The following NUP37 variants were observed in gnomAD, a reference collection of about 807,000 sequenced individuals.
NUP37 encodes nucleoporin Nup37.
Under a neutral mutation model 45.4 loss-of-function variants are expected in NUP37, and 33 were observed. The observed-to-expected ratio is 0.73, with a 90% CI of 0.55 to 0.97. NUP37 has a LOEUF of 0.97. Among genes scored for constraint, NUP37 ranks in the 50% least tolerant of loss-of-function variants. The pLI, the probability that NUP37 is intolerant of heterozygous loss-of-function variation, is 0.00. For missense variants in NUP37, 365 were observed against 389.7 expected (o/e 0.94, Z 0.53); for synonymous variants, 127 against 130.7 (o/e 0.97, Z 0.19).
chr12:102,091,399 CAAAAAAAAAAA>C (rs1163474160), intron 5 of NUP37, among the ~76,000 whole-genome samples: 33 of 37,800 alleles, frequency 8.7e-4, no homozygotes, highest in East Asian at 1.2e-3. Context: ...GACTCCGTCT[CAAAAAAAAAAA>C]AAAAAAAAAA....
At chr12:102,109,423 C>T (rs7133417) in intron 3 of NUP37, among the ~76,000 whole-genome samples, 45,858 of 151,778 alleles carry the variant, frequency 0.3, 7,286 homozygotes, top group East Asian at 0.42. Flanking sequence ...AAAGAAAGTA[C>T]AGAGAGTTAC....
intron 3 of NUP37, among the ~76,000 whole-genome samples, chr12:102,111,795 A>AAG (rs3028262): frequency 0.4 from 60,495 of 151,918 alleles, 12,488 homozygotes; most frequent in African/African-American, 0.51. Context: ...TAGTTATTTT[A>AAG]AGTTATACTT....
chr12:102,092,263 TC>T (rs1201494096), intron 5 of NUP37, among the ~76,000 whole-genome samples: 4 of 152,190 alleles, frequency 2.6e-5, no homozygotes, highest in African/African-American at 9.6e-5. Context: ...CACATCTGTA[TC>T]CATTTGGCCC....
chr12:102,115,189 T>C (rs894497819), intron 2 of NUP37, among the ~76,000 whole-genome samples: 48 of 152,344 alleles, frequency 3.2e-4, no homozygotes, highest in African/African-American at 1.0e-3. Flanking sequence ...TGAATCATAA[T>C]ATACTGCTGA....
intron 9 of NUP37, 194 bp from the exon 10 acceptor site, chr12:102,074,661 A>G (rs1879118491): frequency 1.8e-6 from 1 of 541,220 alleles, no homozygotes; most frequent in Non-Finnish European, 3.2e-6. Flanking sequence ...CCATCTATGA[A>G]TAACTGGTAC....
chr12:102,082,130 T>C (rs894820849), intron 6 of NUP37, among the ~76,000 whole-genome samples: 2 of 152,198 alleles, frequency 1.3e-5, no homozygotes, highest in Admixed American at 1.3e-4. Flanking sequence ...CTAGCTCCTA[T>C]TGAGTCTTAT....
At chr12:102,111,152 A>G (rs200608639) in intron 3 of NUP37, among the ~76,000 whole-genome samples, 4 of 152,192 alleles carry the variant, frequency 2.6e-5, no homozygotes, top group East Asian at 1.9e-4. Flanking sequence ...ATACATAACA[A>G]TGTGGAAAAA....
intron 6 of NUP37, 64 bp downstream of exon 6, chr12:102,085,702 G>A: frequency 1.4e-6 from 1 of 724,778 alleles, no homozygotes; most frequent in Middle Eastern, 3.3e-4. Context: ...CTCTATGTAT[G>A]TGATGTCTTA....
chr12:102,108,314 G>A (rs1266767328), intron 3 of NUP37, among the ~76,000 whole-genome samples: 5 of 152,120 alleles, frequency 3.3e-5, no homozygotes, highest in African/African-American at 1.2e-4. Context: ...GTAGTTGGAT[G>A]CTTCCTGCCA....
rs1880559324 is a variant in NUP37 at position 102,118,572 on chromosome 12, A to G, written c.-54T>C. 6.5e-7 allele frequency: 1 copy of G among 1,531,982 alleles called. No homozygotes were observed. The highest frequency in any genetic ancestry group is 1.4e-5 in the African/African-American group (1 of 72,662). The allele number at this position is 1,531,982 out of a possible 1,614,324, so 94.9% of individuals were successfully genotyped here. A position where few individuals can be genotyped will look rare whatever the true frequency, so the allele number is the denominator to read the frequency against. On this transcript the variant is annotated 5_prime_UTR_variant, in exon 2 of 10. Transcript: ENST00000552283. ...AAAATTAAATAGCCTTCTACTGGAC[A>G]AGGTCACGAAACTGTGGATTAGAGC... is the stretch of plus-strand genomic sequence containing the variant.
chr12:102,077,231 T>C, intron 7 of NUP37, 91 bp downstream of exon 7: 1 of 1,307,790 alleles, frequency 7.6e-7, no homozygotes, highest in Non-Finnish European at 1.1e-6. Context: ...GACAGCATAG[T>C]CTCAGGTATA....
intron 2 of NUP37, among the ~76,000 whole-genome samples, chr12:102,117,881 AAT>A (rs1209651227): frequency 6.6e-6 from 1 of 152,220 alleles, no homozygotes; most frequent in Non-Finnish European, 1.5e-5. Context: ...CTGCTCAATT[AAT>A]ATGACTCCAT....
chr12:102,077,418 A>G lies in NUP37; in HGVS notation c.626T>C (p.Val209Ala). ...QAILSLESEQ[V>A]PLMSAHWCLK... ...GCACCAGTGTGCTGACATTAATGGC[A>G]CTTGTTCTGATTCAAGAGATAAAAT... Residue 209 changes from valine (V) to alanine (A), a missense_variant, in exon 7 of 10, where the codon GTG becomes GCG. Physicochemically the swap from Val to Ala is moderately conservative, Grantham distance 64 (BLOSUM62 0). Coordinates refer to ENST00000552283, the MANE Select transcript of NUP37 (RefSeq NM_024057.4). The G allele has an allele frequency of 6.2e-7, 1 of 1,614,178 alleles. No individual in the cohort carries two copies. The highest frequency in any genetic ancestry group is 8.5e-7 in the Non-Finnish European group (1 of 1,180,014).
At chr12:102,074,495 G>A in intron 9 of NUP37, 28 bp from the exon 10 acceptor site, 1 of 1,308,402 alleles carries the variant, frequency 7.6e-7, no homozygotes, top group Non-Finnish European at 1.1e-6. Flanking sequence ...AATTAAAGAA[G>A]CACAGTAAGT....
chr12:102,085,086 T>C (rs568511537), intron 6 of NUP37, among the ~76,000 whole-genome samples: 2 of 152,148 alleles, frequency 1.3e-5, no homozygotes, highest in Non-Finnish European at 2.9e-5. Context: ...GCGTGGATGA[T>C]GTAACTTAAA....
At chr12:102,116,687 T>C (rs756144999) in intron 2 of NUP37, among the ~76,000 whole-genome samples, 1 of 152,240 alleles carries the variant, frequency 6.6e-6, no homozygotes, top group African/African-American at 2.4e-5. Flanking sequence ...CCAAATTGCA[T>C]TTTTGATGTC....
intron 4 of NUP37, among the ~76,000 whole-genome samples, chr12:102,100,436 T>C (rs1331743094): frequency 1.3e-5 from 2 of 152,200 alleles, no homozygotes; most frequent in African/African-American, 4.8e-5. Context: ...CATACGGCGT[T>C]TACTATGTAT....
Position 102,118,588 on chromosome 12 carries a change from G to GCTCTAATCCACA in NUP37, c.-65-6_-65-5insTGTGGATTAGAG. 1 of 1,383,458 alleles carries GCTCTAATCCACA rather than the reference G, an allele frequency of 7.2e-7. No individual in the cohort carries two copies. The highest frequency in any genetic ancestry group is 1.0e-6 in the Non-Finnish European group (1 of 1,004,158). The allele number at this position is 1,383,458 out of a possible 1,614,324, so 85.7% of individuals were successfully genotyped here. On this transcript the variant is annotated splice_region_variant and splice_polypyrimidine_tract_variant and intron_variant, in intron 1 of 9. Coordinates refer to ENST00000552283, the MANE Select transcript of NUP37 (RefSeq NM_024057.4). ...CTACTGGACAAGGTCACGAAACTGTGGATTAGAGCACAGGTACAATTACAA... is the reference window on the plus strand; with the variant it reads ...CTACTGGACAAGGTCACGAAACTGTGCTCTAATCCACAGATTAGAGCACAGGTACAATTACAA...
intron 3 of NUP37, among the ~76,000 whole-genome samples, chr12:102,108,790 T>A (rs1237242752): frequency 6.6e-6 from 1 of 152,204 alleles, no homozygotes; most frequent in East Asian, 1.9e-4. Flanking sequence ...ATAATATCAC[T>A]CATGTTGAGG....
Sources: gnomAD v4.1 joint callset for allele counts (sites outside exome capture counted in the v4.1 genomes callset) on GRCh38, gnomAD v4.1.1 for gene constraint, MANE v1.5 for transcripts, NCBI Gene and HGNC (gene_info 2026-07-23, HGNC 2026-07-21) for gene names.